NOL4L: variants seen among roughly 807,000 people sequenced by gnomAD.
The protein encoded by NOL4L is nucleolar protein 4 like, also known as nucleolar protein 4-like.
A neutral mutation model predicts 64.5 loss-of-function variants in NOL4L; 7 were observed. The ratio of observed to expected loss-of-function variants is 0.11; its 90% CI spans 0.06 to 0.20. NOL4L has a LOEUF of 0.20. Among genes scored for constraint, NOL4L ranks in the 10% least tolerant of loss-of-function variants. The pLI is 1.00. For synonymous variants in NOL4L, 413 were observed against 401.0 expected, an observed-to-expected ratio of 1.03 and a Z score of -0.36; for missense variants, 680 against 967.1, an observed-to-expected ratio of 0.70 and a Z score of 3.94.
rs926786342 is a variant in NOL4L, at chr20:32,445,743, GGGTATTGGA to G, written c.*1844_*1852del. ...AAGGCAGAGGTGGTGTGGCTGGATG[GGGTATTGGA>G]GGCCACTTGAGAGATAACGACCACC... On this transcript the variant is annotated 3_prime_UTR_variant, in exon 11 of 11. Transcript: ENST00000621426. The G allele has an allele frequency of 1.2e-4, 18 of 152,714 alleles. No homozygotes were observed. Among genetic ancestry groups the G allele is most frequent in the African/African-American group, 4.3e-4 (18 of 41,402 alleles). The allele number at this position is 152,714 out of a possible 1,614,324, so 9.5% of individuals were successfully genotyped here.
intron 1 of NOL4L, among the ~76,000 whole-genome samples, chr20:32,530,171 G>C (rs1249306617): frequency 6.6e-6 from 1 of 152,212 alleles, no homozygotes; most frequent in Admixed American, 6.5e-5. Flanking sequence ...TATGGATTTG[G>C]GATGTACAGT....
rs529056370 is a variant in NOL4L at position 32,453,945 on chromosome 20, A to G, written c.1120-184T>C. On this transcript the variant is annotated intron_variant, in intron 6 of 10. Coordinates refer to ENST00000621426, the MANE Select transcript of NOL4L (RefSeq NM_001256798.2). This position sits in a 1 kb window ranked among gnomAD's most constrained non-coding sequence, Gnocchi z 5.6. ...TGCTCCCTTCATCTGTGCAATGGGG[A>G]CAGCAATGCTACCACCTCCCTCCCT... 5 of 610,818 alleles carry G rather than the reference A, an allele frequency of 8.2e-6. No homozygotes were observed. Among genetic ancestry groups the G allele is most frequent in the Non-Finnish European group, 8.6e-6 (3 of 346,902 alleles). 37.8% of individuals were successfully genotyped at this position (610,818 alleles called of 1,614,324 possible). A position where few individuals can be genotyped will look rare whatever the true frequency, so the allele number is the denominator to read the frequency against.
chr20:32,517,866 A>G (rs2017742275), intron 3 of NOL4L, among the ~76,000 whole-genome samples: 1 of 152,194 alleles, frequency 6.6e-6, no homozygotes, highest in African/African-American at 2.4e-5. Flanking sequence ...CACTTTGCTG[A>G]TGAGAAAATA....
At chr20:32,535,477 G>C in intron 1 of NOL4L, 6 of 504,446 alleles carry the variant, frequency 1.2e-5, no homozygotes, top group South Asian at 8.6e-5. Flanking sequence ...CCAACTGTTA[G>C]CGCGTAGCTG....
At chr20:32,501,839 T>C (rs1020484098) in intron 4 of NOL4L, among the ~76,000 whole-genome samples, 1 of 151,852 alleles carries the variant, frequency 6.6e-6, no homozygotes. Context: ...ATAGGCAATA[T>C]CAAAAGAGAG....
At chr20:32,480,797 CAGG>C (rs2015667561) in intron 4 of NOL4L, among the ~76,000 whole-genome samples, 1 of 152,190 alleles carries the variant, frequency 6.6e-6, no homozygotes, top group East Asian at 1.9e-4. Context: ...ACACATGAAA[CAGG>C]AGGGTGGTCT....
At chr20:32,483,617 C>A in intron 4 of NOL4L, 2 of 30,938 alleles carry the variant, frequency 6.5e-5, no homozygotes, top group Non-Finnish European at 7.4e-5. Context: ...GCACCGGGCA[C>A]GGGGAGGCGG....
intron 4 of NOL4L, among the ~76,000 whole-genome samples, chr20:32,493,374 G>A (rs2016543573): frequency 6.6e-6 from 1 of 152,104 alleles, no homozygotes; most frequent in Non-Finnish European, 1.5e-5. Flanking sequence ...CTGGGGCCCG[G>A]GATGCTGCAT....
intron 6 of NOL4L, among the ~76,000 whole-genome samples, chr20:32,454,727 A>G (rs531839944): frequency 4.6e-5 from 7 of 152,316 alleles, no homozygotes; most frequent in Middle Eastern, 3.4e-3. Context: ...TAGCCTGGGG[A>G]CACTGTCCCT....
intron 5 of NOL4L, among the ~76,000 whole-genome samples, chr20:32,462,519 G>A (rs767088247): frequency 2.0e-5 from 3 of 152,106 alleles, no homozygotes; most frequent in South Asian, 2.1e-4. Flanking sequence ...AGGAGAACGC[G>A]CCTGTCACTG....
At chr20:32,466,689 C>T (rs2014584946) in intron 5 of NOL4L, among the ~76,000 whole-genome samples, 1 of 152,164 alleles carries the variant, frequency 6.6e-6, no homozygotes, top group South Asian at 2.1e-4. Context: ...GAATGGGGCC[C>T]AGCTCTGGTT....
chr20:32,498,286 G>A (rs2016776533), intron 4 of NOL4L, among the ~76,000 whole-genome samples: 1 of 152,146 alleles, frequency 6.6e-6, no homozygotes, highest in African/African-American at 2.4e-5. Context: ...CTCATTTTCT[G>A]TGAGAATTTG....
At chr20:32,480,534 T>C (rs1424877028) in intron 4 of NOL4L, among the ~76,000 whole-genome samples, 1 of 152,148 alleles carries the variant, frequency 6.6e-6, no homozygotes, top group African/African-American at 2.4e-5. Flanking sequence ...AACCCACTGG[T>C]GGGCCCCTCC....
intron 1 of NOL4L, among the ~76,000 whole-genome samples, chr20:32,551,244 T>C (rs1024845574): frequency 3.3e-5 from 5 of 151,938 alleles, no homozygotes; most frequent in South Asian, 2.1e-4. Flanking sequence ...GGCGTGATGG[T>C]GGGTGCCTAT....
In NOL4L at chr20:32,584,780, G is replaced by A. The variant is rs1219756375; in HGVS notation, c.111C>T (p.Asp37=). ...FRDWCLRTYG[D]SAKTKTVTRS... The stretch of plus-strand genomic sequence containing the variant: ...GTGTCACCGTCTTGGTTTTGGCCGA[G>A]TCGCCGTAGGTGCGCAAGCACCAGT... Residue 37 remains aspartate, a synonymous_variant, in exon 1 of 11, where the codon GAC becomes GAT. Transcript: ENST00000621426. 3 of 1,540,614 alleles carry A rather than the reference G, an allele frequency of 1.9e-6. No homozygotes were observed. The highest frequency in any genetic ancestry group is 2.0e-5 in the Admixed American group (1 of 50,528).
chr20:32,527,701 G>T, intron 2 of NOL4L, 57 bp downstream of exon 2: 2 of 1,497,096 alleles, frequency 1.3e-6, no homozygotes, highest in Non-Finnish European at 1.8e-6. Context: ...TGCGGAGCCC[G>T]TGGCCTCCTG....
chr20:32,546,861 G>A (rs536902430), intron 1 of NOL4L, among the ~76,000 whole-genome samples: 14 of 152,346 alleles, frequency 9.2e-5, no homozygotes, highest in Admixed American at 7.8e-4. Context: ...CTGTGATGGA[G>A]GCTGTCTTGT....
intron 2 of NOL4L, among the ~76,000 whole-genome samples, chr20:32,523,524 C>T (rs138160362): frequency 1.3e-5 from 2 of 152,152 alleles, no homozygotes; most frequent in Admixed American, 6.5e-5. Flanking sequence ...CAGAATGAGT[C>T]GAAACCAGGA....
intron 4 of NOL4L, chr20:32,483,401 G>A: frequency 5.1e-6 from 5 of 986,622 alleles, no homozygotes; most frequent in Non-Finnish European, 6.0e-6. Flanking sequence ...GTCGGGATCC[G>A]CGAGTGAGCG....
Sources: allele counts gnomAD v4.1 joint callset (sites outside exome capture counted in the v4.1 genomes callset), GRCh38; gene constraint gnomAD v4.1.1; non-coding constraint Gnocchi (gnomAD v3.1); transcripts MANE v1.5; gene names NCBI Gene and HGNC (gene_info 2026-07-23, HGNC 2026-07-21).